The following NXNL2 variants were observed in gnomAD, a reference collection of about 807,000 sequenced individuals.
The protein encoded by NXNL2 is nucleoredoxin-like protein 2.
A neutral mutation model predicts 11.1 loss-of-function variants in NXNL2; 7 were observed. The ratio of observed to expected loss-of-function variants is 0.63; its 90% CI spans 0.36 to 1.18. The LOEUF (loss-of-function observed/expected upper bound fraction) is 1.18, where lower values mean the gene tolerates loss of function less well. Ranked by LOEUF, NXNL2 falls within the 50% of genes most tolerant of loss-of-function variation. NXNL2 has a pLI of 0.02. For missense variants in NXNL2, 233 were observed against 217.7 expected, an observed-to-expected ratio of 1.07 and a Z score of -0.44; for synonymous variants, 109 against 101.8, an observed-to-expected ratio of 1.07 and a Z score of -0.42.
downstream of NXNL2, among the ~76,000 whole-genome samples, chr9:88,576,427 T>C (rs1371277348): frequency 1.3e-5 from 2 of 152,134 alleles, no homozygotes; most frequent in Non-Finnish European, 2.9e-5. Flanking sequence ...CCAGGTTTCC[T>C]CGTGATGTCC....
intron 1 of NXNL2, among the ~76,000 whole-genome samples, chr9:88,555,985 G>T (rs1474803261): frequency 6.6e-6 from 1 of 152,226 alleles, no homozygotes; most frequent in Admixed American, 6.5e-5. Flanking sequence ...GACCAGGTGT[G>T]CCTTGAATGG....
downstream of NXNL2, among the ~76,000 whole-genome samples, chr9:88,548,682 CAAA>C (rs34096783): frequency 1.6e-4 from 13 of 78,882 alleles, no homozygotes; most frequent in Admixed American, 4.3e-4. Context: ...GACTCTGTCT[CAAA>C]AAAAAAAAAA....
intron 2 of NXNL2, chr9:88,575,071 T>C: frequency 2.2e-6 from 2 of 923,972 alleles, no homozygotes; most frequent in South Asian, 1.0e-4. Context: ...ACCCTCCCCT[T>C]CTTATTCCTT....
chr9:88,554,495 G>A (rs558293659), intron 1 of NXNL2, among the ~76,000 whole-genome samples: 2 of 152,272 alleles, frequency 1.3e-5, no homozygotes, highest in African/African-American at 2.4e-5. Flanking sequence ...ATGAGCCACC[G>A]CACCCAGACA....
intron 1 of NXNL2, among the ~76,000 whole-genome samples, chr9:88,556,288 A>C (rs895905538): frequency 6.6e-6 from 1 of 152,156 alleles, no homozygotes; most frequent in Non-Finnish European, 1.5e-5. Context: ...AGAGGGCAGG[A>C]GGGCTACAGT....
At chr9:88,535,835 C>CG (rs899608782) in intron 1 of NXNL2, 99 bp downstream of exon 1, 2 of 876,270 alleles carry the variant, frequency 2.3e-6, no homozygotes, top group East Asian at 5.5e-5. Context: ...TATGACGCCC[C>CG]CCCCCAACAC....
chr9:88,566,983 T>TCTATCTATCTAC (rs1830181175), intron 1 of NXNL2, among the ~76,000 whole-genome samples: 1 of 147,408 alleles, frequency 6.8e-6, no homozygotes, highest in South Asian at 2.2e-4. Context: ...CATCTATCTA[T>TCTATCTATCTAC]CTATCTATCT....
chr9:88,578,026 G>A (rs1053312143), downstream of NXNL2, among the ~76,000 whole-genome samples: 1 of 152,234 alleles, frequency 6.6e-6, no homozygotes, highest in African/African-American at 2.4e-5. Context: ...GTGGATCCAT[G>A]GAGAAATTGG....
At chr9:88,580,502 G>A (rs1830396920), downstream of NXNL2, among the ~76,000 whole-genome samples, 1 of 152,040 alleles carries the variant, frequency 6.6e-6, no homozygotes, top group Non-Finnish European at 1.5e-5. Flanking sequence ...AACAGTGGTG[G>A]GAGCTTCTCT....
At chr9:88,556,082 G>A (rs1224969391) in intron 1 of NXNL2, among the ~76,000 whole-genome samples, 1 of 152,212 alleles carries the variant, frequency 6.6e-6, no homozygotes, top group Non-Finnish European at 1.5e-5. Flanking sequence ...AGCCCCAAGC[G>A]GGTGTTACAG....
At chr9:88,556,962 T>C (rs961069836) in intron 1 of NXNL2, among the ~76,000 whole-genome samples, 4 of 150,862 alleles carry the variant, frequency 2.7e-5, no homozygotes, top group African/African-American at 9.8e-5. Flanking sequence ...ACCCCTGTAG[T>C]CCCAGCTACT....
intron 1 of NXNL2, among the ~76,000 whole-genome samples, chr9:88,569,623 A>G (rs1830228928): frequency 3.3e-5 from 5 of 152,238 alleles, no homozygotes. Flanking sequence ...TTTGTATCAT[A>G]ATATGCACTT....
At chr9:88,577,878 G>A (rs1337994808), downstream of NXNL2, among the ~76,000 whole-genome samples, 6 of 152,238 alleles carry the variant, frequency 3.9e-5, no homozygotes, top group African/African-American at 9.6e-5. Context: ...GGAGTCATCA[G>A]TGCCTAGAAA....
chr9:88,565,744 C>G (rs1016131274), intron 1 of NXNL2, among the ~76,000 whole-genome samples: 30 of 152,118 alleles, frequency 2.0e-4, no homozygotes, highest in African/African-American at 5.3e-4. Context: ...ACCACATTGG[C>G]CAGGCTGTTC....
downstream of NXNL2, among the ~76,000 whole-genome samples, chr9:88,547,016 G>A (rs1829854716): frequency 1.3e-5 from 2 of 152,216 alleles, no homozygotes; most frequent in South Asian, 4.1e-4. Context: ...CACCCTGCGT[G>A]TGGACATAGA....
At chr9:88,576,206 A>AAAAC (rs565558510), downstream of NXNL2, among the ~76,000 whole-genome samples, 62 of 152,348 alleles carry the variant, frequency 4.1e-4, no homozygotes, top group African/African-American at 7.0e-4. Flanking sequence ...AAAAGAAAAC[A>AAAAC]AAACAAACAA....
In NXNL2 at chr9:88,567,048, C is replaced by T. The variant is rs150384891; in HGVS notation, c.303-4039C>T. On this transcript the variant is annotated intron_variant, in intron 1 of 2. Transcript: ENST00000375855. ...CTAATATGTTTTCTTTCTCCACAGACAGACTGTGACTTCTTTGAGAGCAGA... is the reference window on the plus strand; with the variant it reads ...CTAATATGTTTTCTTTCTCCACAGATAGACTGTGACTTCTTTGAGAGCAGA... 1.5e-3 allele frequency among the ~76,000 whole-genome samples: 212 copies of T among 145,170 alleles called. 2 individuals are homozygous for T. The highest frequency in any genetic ancestry group is 5.4e-3 in the African/African-American group (199 of 36,764).
intron 2 of NXNL2, among the ~76,000 whole-genome samples, chr9:88,574,452 A>T (rs12352203): frequency 0.042 from 6,376 of 152,288 alleles, 425 homozygotes; most frequent in African/African-American, 0.14. Flanking sequence ...TAAGATGTAC[A>T]TTGGTTTGGT....
At chr9:88,576,141 G>A (rs1830345576), downstream of NXNL2, among the ~76,000 whole-genome samples, 1 of 152,248 alleles carries the variant, frequency 6.6e-6, no homozygotes, top group African/African-American at 2.4e-5. Flanking sequence ...GTTACAGTGA[G>A]CCGAGATTGT....
Sources: allele counts gnomAD v4.1 joint callset (sites outside exome capture counted in the v4.1 genomes callset), GRCh38; gene constraint gnomAD v4.1.1; transcripts MANE v1.5; gene names NCBI Gene and HGNC (gene_info 2026-07-23, HGNC 2026-07-21).